The following EPB41L1 variants were observed in gnomAD, a reference collection of about 807,000 sequenced individuals.
EPB41L1 encodes the protein band 4.1-like protein 1.
A neutral mutation model predicts 97.8 loss-of-function variants in EPB41L1; 29 were observed. The ratio of observed to expected loss-of-function variants is 0.30; its 90% CI spans 0.22 to 0.40. EPB41L1 has a LOEUF of 0.40. Among genes scored for constraint, EPB41L1 ranks in the 10% least tolerant of loss-of-function variants. The probability of loss-of-function intolerance (pLI) is 1.00; values close to 1 mark genes in which losing one functional copy is unlikely to be tolerated. For missense variants in EPB41L1, 812 were observed against 1,162.3 expected (o/e 0.70, Z 4.38); for synonymous variants, 383 against 459.2 (o/e 0.83, Z 2.12).
chr20:36,155,242 G>C (rs911128), intron 1 of EPB41L1: 26,320 of 452,098 alleles, frequency 0.058, 1,354 homozygotes, highest in South Asian at 0.15. Flanking sequence ...TTGGATTTCT[G>C]CTGCTTCTGA....
In EPB41L1 at chr20:36,207,907, A is replaced by AT; in HGVS notation, c.1669-1580dup. The stretch of plus-strand genomic sequence containing the variant: ...TCATTTCTGCAATCAGAGGCTGCTT[A>AT]TCCATCCCTGTGAGTTTTTTCCCTA... On this transcript the variant is annotated intron_variant, in intron 14 of 21. Coordinates refer to ENST00000338074, the MANE Select transcript of EPB41L1 (RefSeq NM_012156.2). This position sits in a 1 kb window ranked among gnomAD's most constrained non-coding sequence, Gnocchi z 4.9. 9.4e-7 allele frequency: 1 copy of AT among 1,067,686 alleles called. No homozygotes were observed. The highest frequency in any genetic ancestry group is 1.6e-5 in the South Asian group (1 of 63,166). The allele number at this position is 1,067,686 out of a possible 1,614,324, so 66.1% of individuals were successfully genotyped here. A position where few individuals can be genotyped will look rare whatever the true frequency, so the allele number is the denominator to read the frequency against.
intron 2 of EPB41L1, among the ~76,000 whole-genome samples, chr20:36,117,692 A>C (rs1237889186): frequency 6.6e-6 from 1 of 152,258 alleles, no homozygotes. Flanking sequence ...GATAGAAGCC[A>C]GTGTCCAGGA....
At chr20:36,185,637 G>A (rs2061653239) in intron 7 of EPB41L1, among the ~76,000 whole-genome samples, 1 of 152,174 alleles carries the variant, frequency 6.6e-6, no homozygotes, top group Non-Finnish European at 1.5e-5. Context: ...AATCGCTACT[G>A]TGTCTCTGAG....
chr20:36,133,815 G>C (rs1166266832), intron 2 of EPB41L1, among the ~76,000 whole-genome samples: 1 of 147,714 alleles, frequency 6.8e-6, no homozygotes, highest in Non-Finnish European at 1.5e-5. Context: ...CCGAGATCAC[G>C]CCACTGCATT....
chr20:36,127,386 T>C (rs1205543539), intron 2 of EPB41L1, among the ~76,000 whole-genome samples: 2 of 152,128 alleles, frequency 1.3e-5, no homozygotes, highest in East Asian at 3.9e-4. Flanking sequence ...CTTTGGTGAA[T>C]GGAAGGGCCT....
chr20:36,215,650 G>A (rs906707958), intron 17 of EPB41L1, among the ~76,000 whole-genome samples: 1 of 152,090 alleles, frequency 6.6e-6, no homozygotes, highest in African/African-American at 2.4e-5. Flanking sequence ...TGCTTGTAGG[G>A]CTAAATTTAA....
intron 9 of EPB41L1, among the ~76,000 whole-genome samples, chr20:36,189,427 C>T (rs1288034956): frequency 6.6e-6 from 1 of 152,202 alleles, no homozygotes; most frequent in Non-Finnish European, 1.5e-5. Flanking sequence ...CTATCCCTTG[C>T]CACACTGCCC....
intron 1 of EPB41L1, among the ~76,000 whole-genome samples, chr20:36,111,689 A>G (rs1190567014): frequency 1.3e-5 from 2 of 151,106 alleles, no homozygotes; most frequent in African/African-American, 4.9e-5. Context: ...TGGGAGACTG[A>G]GATAGGAGAA....
chr20:36,160,440 C>G (rs2060481557), intron 1 of EPB41L1, among the ~76,000 whole-genome samples: 1 of 152,026 alleles, frequency 6.6e-6, no homozygotes, highest in Non-Finnish European at 1.5e-5. Context: ...AAAAAGTTAG[C>G]CGGGCATGGT....
chr20:36,188,230 C>G, intron 8 of EPB41L1, 117 bp from the exon 9 acceptor site: 9 of 1,407,870 alleles, frequency 6.4e-6, no homozygotes, highest in Non-Finnish European at 9.0e-6. Context: ...GAGGCTCTAA[C>G]CCTGTTCCTG....
intron 11 of EPB41L1, 122 bp from the exon 12 acceptor site, chr20:36,194,090 G>T: frequency 1.5e-6 from 2 of 1,316,266 alleles, no homozygotes; most frequent in South Asian, 2.5e-5. Context: ...TCTGGGCAAT[G>T]GGTGAGGGGT....
intron 2 of EPB41L1, among the ~76,000 whole-genome samples, chr20:36,114,048 T>C (rs1055130831): frequency 3.3e-5 from 5 of 152,136 alleles, no homozygotes; most frequent in Non-Finnish European, 7.4e-5. Context: ...TCGGAGCTAG[T>C]TGGCCGTGTG....
intron 1 of EPB41L1, among the ~76,000 whole-genome samples, chr20:36,158,303 T>G (rs942390428): frequency 6.6e-6 from 1 of 152,180 alleles, no homozygotes; most frequent in Non-Finnish European, 1.5e-5. Flanking sequence ...CCAGTCTAGC[T>G]GGGAGAGATG....
chr20:36,185,715 G>A (rs2061656473), intron 7 of EPB41L1, among the ~76,000 whole-genome samples: 2 of 152,116 alleles, frequency 1.3e-5, no homozygotes, highest in Admixed American at 6.5e-5. Context: ...AGCCTGCTAG[G>A]GTTCCTATAC....
chr20:36,122,582 G>C (rs2235799), intron 2 of EPB41L1: 30,027 of 152,658 alleles, frequency 0.2, 3,140 homozygotes, highest in Middle Eastern at 0.27. Flanking sequence ...CTGGGAGCTG[G>C]GGTGGAGCAG....
rs76987119 is a variant in EPB41L1, at chr20:36,112,754, G to A, written c.-10+274G>A. On this transcript the variant is annotated intron_variant, in intron 2 of 19. Coordinates refer to the EPB41L1 transcript ENST00000202028. ...GCCTCTATTGCTCATCCATGCCACC[G>A]TGGCTGGTGAAGGACGGTGCTGGGC... 0.011 allele frequency among the ~76,000 whole-genome samples: 1,675 copies of A among 152,316 alleles called. 64 individuals are homozygous for A. The East Asian group carries it at 0.13, about 12-fold the overall frequency.
intron 2 of EPB41L1, among the ~76,000 whole-genome samples, chr20:36,121,370 T>C (rs2058747827): frequency 1.3e-5 from 2 of 152,170 alleles, no homozygotes; most frequent in Admixed American, 1.3e-4. Context: ...ATGCATGATT[T>C]TGAATTTGGA....
chr20:36,164,966 G>A (rs1024771367), intron 1 of EPB41L1, among the ~76,000 whole-genome samples: 1 of 151,712 alleles, frequency 6.6e-6, no homozygotes, highest in African/African-American at 2.4e-5. Context: ...GATTACAGGT[G>A]TGAGCCACTG....
intron 2 of EPB41L1, among the ~76,000 whole-genome samples, chr20:36,140,374 A>T (rs1275702688): frequency 1.3e-5 from 2 of 152,004 alleles, no homozygotes; most frequent in African/African-American, 2.4e-5. Context: ...CCCAACCAGG[A>T]TTAAGTGCTT....
Sources: allele counts gnomAD v4.1 joint callset (sites outside exome capture counted in the v4.1 genomes callset), GRCh38; gene constraint gnomAD v4.1.1; non-coding constraint Gnocchi (gnomAD v3.1); transcripts MANE v1.5; gene names NCBI Gene and HGNC (gene_info 2026-07-23, HGNC 2026-07-21).